PIEZO2: variants seen among roughly 807,000 people sequenced by gnomAD.
PIEZO2 encodes the protein piezo type mechanosensitive ion channel component 2.
In PIEZO2, 172 loss-of-function variants were observed where a neutral mutation model predicts 337.3. The ratio of observed to expected loss-of-function variants is 0.51; its 90% CI spans 0.45 to 0.58. The LOEUF is 0.58. Among genes scored for constraint, PIEZO2 ranks in the 20% least tolerant of loss-of-function variants. PIEZO2 has a pLI of 0.00. For synonymous variants in PIEZO2, 1,251 were observed against 1,228.5 expected, an observed-to-expected ratio of 1.02 and a Z score of -0.38; for missense variants, 3,028 against 3,391.3, an observed-to-expected ratio of 0.89 and a Z score of 2.66.
intron 1 of PIEZO2, among the ~76,000 whole-genome samples, chr18:11,085,569 A>C (rs569682710): frequency 6.6e-6 from 1 of 152,104 alleles, no homozygotes; most frequent in East Asian, 1.9e-4. Flanking sequence ...TAGTACACAC[A>C]GGTTTTAGTG....
Position 10,849,480 on chromosome 18 carries a change from C to T in PIEZO2, c.917+5873G>A, listed in dbSNP as rs192474606. On this transcript the variant is annotated intron_variant, in intron 7 of 55. Transcript: ENST00000674853. ...AAGCCTCTCAGAGGCCACAGATTCC[C>T]AGTAGTGAAACAGGAATTGAGTCCT... is the stretch of plus-strand genomic sequence containing the variant. Among the ~76,000 whole-genome samples the T allele has an allele frequency of 2.4e-4, 36 of 152,304 alleles. No individual in the cohort carries two copies. In the East Asian group the frequency reaches 4.1e-3, roughly 17 times the overall value.
rs190389576 is a variant in PIEZO2 at position 11,095,228 on chromosome 18, A to G, written c.65-29006T>C. Reference sequence around the variant, plus strand: ...GGTCACAGATATAAACAAAAACCTTATCAGCACTTGGACTTGAAGTCTAGA... The same window carrying G: ...GGTCACAGATATAAACAAAAACCTTGTCAGCACTTGGACTTGAAGTCTAGA... On this transcript the variant is annotated intron_variant, in intron 1 of 55. Transcript: ENST00000674853. Among the ~76,000 whole-genome samples, 373 of 152,380 alleles carry G rather than the reference A, an allele frequency of 2.4e-3. 3 individuals carry two copies. The highest frequency in any genetic ancestry group is 0.02 in the Admixed American group (301 of 15,310).
At position 11,111,042 on chromosome 18, in the gene PIEZO2, G is replaced by A. The variant is rs1477354930; in HGVS notation, c.64+37483C>T. On this transcript the variant is annotated intron_variant, in intron 1 of 55. Transcript: ENST00000674853. This position sits in a 1 kb window ranked among gnomAD's most constrained non-coding sequence, Gnocchi z 6.2. ...TCAGTGCAGCTGCAAATGGACGTCC[G>A]GGCAGACAGGGCAGAGGACAGACAG... Among the ~76,000 whole-genome samples the A allele has an allele frequency of 1.3e-5, 2 of 152,152 alleles. No individual in the cohort carries two copies. Among genetic ancestry groups the A allele is most frequent in the Non-Finnish European group, 2.9e-5 (2 of 68,014 alleles).
chr18:10,672,306 A>G lies in PIEZO2; in HGVS notation c.8345+384T>C, dbSNP rs931351347. On this transcript the variant is annotated intron_variant, in intron 55 of 55. Transcript: ENST00000674853. This position sits in a 1 kb window ranked among gnomAD's most constrained non-coding sequence, Gnocchi z 4.7. ...TGTCCTAGGATTTAAGCATCAGAAC[A>G]TGATGCGATGTTTCAGAAGTTCAAA... is the stretch of plus-strand genomic sequence containing the variant. Among the ~76,000 whole-genome samples, 3 of 152,208 alleles carry G rather than the reference A, an allele frequency of 2.0e-5. No individual in the cohort carries two copies. Among genetic ancestry groups the G allele is most frequent in the African/African-American group, 7.2e-5 (3 of 41,432 alleles).
At chr18:11,019,646 T>A (rs562358219) in intron 2 of PIEZO2, among the ~76,000 whole-genome samples, 1 of 152,164 alleles carries the variant, frequency 6.6e-6, no homozygotes, top group African/African-American at 2.4e-5. Context: ...TGTTGCAGTG[T>A]TTTATATTGA....
At chr18:10,990,224 A>G (rs1051248188) in intron 2 of PIEZO2, among the ~76,000 whole-genome samples, 3 of 152,230 alleles carry the variant, frequency 2.0e-5, no homozygotes, top group Non-Finnish European at 4.4e-5. Flanking sequence ...AGGTAAATTA[A>G]GGATATAATA....
chr18:11,104,466 C>A lies in PIEZO2; in HGVS notation c.65-38244G>T, dbSNP rs952461603. On this transcript the variant is annotated intron_variant, in intron 1 of 55. Transcript: ENST00000674853. The surrounding 1 kb of genome is among the most constrained non-coding windows in gnomAD (Gnocchi z 4.6). Reference sequence around the variant, plus strand: ...TGAATTGGCAGCAGAGATCAATGAACGCAGCTGCCCTTCTCTCTAGGGGTG... The same window carrying A: ...TGAATTGGCAGCAGAGATCAATGAAAGCAGCTGCCCTTCTCTCTAGGGGTG... 6.6e-6 allele frequency among the ~76,000 whole-genome samples: 1 copy of A among 152,274 alleles called. No homozygotes were observed. The highest frequency in any genetic ancestry group is 6.5e-5 in the Admixed American group (1 of 15,292).
rs2039162596 is a variant in PIEZO2 at position 10,784,850 on chromosome 18, TG to T, written c.2425del (p.His809MetfsTer33). ...GTCTGTGAGTTCAAGGAACCGGTCA[TG>T]GAAGTAGTGCAGGTGTAAAATGCAC... ...LVCILHLHYFHDRFLELTDLK... is the reference protein window; with the variant it reads ...LVCILHLHYFXDRFLELTDLK... On this transcript the variant is annotated frameshift_variant, in exon 17 of 56. Transcript: ENST00000674853. LOFTEE classifies it high-confidence loss of function. The surrounding 1 kb of genome is among the most constrained non-coding windows in gnomAD (Gnocchi z 4.5). 1 of 1,537,608 alleles carries T rather than the reference TG, an allele frequency of 6.5e-7. No homozygotes were observed. The highest frequency in any genetic ancestry group is 8.7e-7 in the Non-Finnish European group (1 of 1,146,996).
At position 10,697,763 on chromosome 18, in the gene PIEZO2, G is replaced by A; in HGVS notation, c.6812C>T (p.Ala2271Val). ...KLQEHLIKAKAFTIKKTLEIY... is the reference protein window; with the variant it reads ...KLQEHLIKAKVFTIKKTLEIY... ...ATGGACTCACTTCTTTATGGTAAAG[G>A]CTTTTGCTTTGATTAAATGTTCTTG... The change falls in exon 45 of 56, where the codon GCC becomes GTC. Residue 2271 changes from alanine (A) to valine (V), a missense_variant. Physicochemically the swap from Ala to Val is moderately conservative, Grantham distance 64. Around this residue, in one of 5 missense-constraint regions of PIEZO2, gnomAD observed 1,925 missense variants for 2,051.9 expected, o/e 0.94. Transcript: ENST00000674853. 1.9e-6 allele frequency: 3 copies of A among 1,614,006 alleles called. No homozygotes were observed. The highest frequency in any genetic ancestry group is 1.7e-6 in the Non-Finnish European group (2 of 1,180,022).
intron 1 of PIEZO2, among the ~76,000 whole-genome samples, chr18:11,071,987 T>C (rs2038357710): frequency 6.8e-6 from 1 of 146,728 alleles, no homozygotes; most frequent in Non-Finnish European, 1.5e-5. Context: ...ATCACCTGCA[T>C]CTGCCCTGTC....
chr18:11,051,841 T>C (rs2660262), intron 2 of PIEZO2, among the ~76,000 whole-genome samples: 73,227 of 152,086 alleles, frequency 0.48, 18,200 homozygotes, highest in Non-Finnish European at 0.52. Flanking sequence ...TAAGAATTTA[T>C]GACCTGGTGC....
intron 23 of PIEZO2, among the ~76,000 whole-genome samples, chr18:10,761,350 C>T (rs1458611826): frequency 6.6e-6 from 1 of 152,210 alleles, no homozygotes; most frequent in East Asian, 1.9e-4. Context: ...TAAGATGCTG[C>T]TGCTCATTCC....
chr18:11,113,507 T>G (rs2039794466), intron 1 of PIEZO2, among the ~76,000 whole-genome samples: 1 of 152,184 alleles, frequency 6.6e-6, no homozygotes, highest in South Asian at 2.1e-4. Flanking sequence ...TGTCCCATCC[T>G]TCTTCCTGCT....
rs546199559 is a variant in PIEZO2, at chr18:10,677,214, T to C, written c.8081+533A>G. 2.2e-4 allele frequency among the ~76,000 whole-genome samples: 33 copies of C among 152,232 alleles called. No homozygotes were observed. Among genetic ancestry groups the C allele is most frequent in the Non-Finnish European group, 2.9e-5 (2 of 67,998 alleles). On this transcript the variant is annotated intron_variant, in intron 53 of 55. Transcript: ENST00000674853. This position sits in a 1 kb window ranked among gnomAD's most constrained non-coding sequence, Gnocchi z 4.1. ...TACAAACCCTCATTCATTTGTTTTT[T>C]ATTATTTATTTATTTATTTTTGAAA...
At chr18:10,692,079 A>G (rs1399926173) in intron 47 of PIEZO2, among the ~76,000 whole-genome samples, 1 of 152,006 alleles carries the variant, frequency 6.6e-6, no homozygotes, top group Non-Finnish European at 1.5e-5. Context: ...GATTTCCTCA[A>G]CAGTACAGAT....
In PIEZO2 at chr18:11,097,655, C is replaced by A. The variant is rs2039298553; in HGVS notation, c.65-31433G>T. Among the ~76,000 whole-genome samples the A allele has an allele frequency of 6.6e-6, 1 of 152,168 alleles. No homozygotes were observed. Among genetic ancestry groups the A allele is most frequent in the Admixed American group, 6.5e-5 (1 of 15,270 alleles). On this transcript the variant is annotated intron_variant, in intron 1 of 55. Transcript: ENST00000674853. This position sits in a 1 kb window ranked among gnomAD's most constrained non-coding sequence, Gnocchi z 5.0. ...TTCACATATTAGTTTCATTTCAAGT[C>A]CTCTTTAGTAGATTTTCACCTGACT...
rs2034075162 is a variant in PIEZO2, at chr18:10,677,750, G to A, written c.8078C>T (p.Pro2693Leu). 1 of 1,608,346 alleles carries A rather than the reference G, an allele frequency of 6.2e-7. No homozygotes were observed. The highest frequency in any genetic ancestry group is 8.5e-7 in the Non-Finnish European group (1 of 1,178,712). Residue 2693 changes from proline (P) to leucine (L), a missense_variant, in exon 53 of 56, where the codon CCA (proline) becomes CTA (leucine). Pro to Leu is a moderately conservative substitution (Grantham distance 98). Transcript: ENST00000674853. The surrounding 1 kb of genome is among the most constrained non-coding windows in gnomAD (Gnocchi z 4.1). ...AGNSTESSKTPVTIEKIYPYY... is the reference protein window; with the variant it reads ...AGNSTESSKTLVTIEKIYPYY... Reference sequence around the variant, plus strand: ...TAGTAGGAAAAAATACACTTACACTGGTGTTTTTGAACTTTCTGTGCTGTT... The same window carrying A: ...TAGTAGGAAAAAATACACTTACACTAGTGTTTTTGAACTTTCTGTGCTGTT...
intron 7 of PIEZO2, among the ~76,000 whole-genome samples, chr18:10,814,747 G>A (rs2040310335): frequency 6.6e-6 from 1 of 152,162 alleles, no homozygotes; most frequent in African/African-American, 2.4e-5. Flanking sequence ...TTCCCAGGCA[G>A]AGTATTCAGA....
rs1462664289 is a variant in PIEZO2, at chr18:10,819,710, C to A, written c.918-12436G>T. Among the ~76,000 whole-genome samples the A allele has an allele frequency of 6.6e-6, 1 of 152,200 alleles. No individual in the cohort carries two copies. The highest frequency in any genetic ancestry group is 2.4e-5 in the African/African-American group (1 of 41,452). The stretch of plus-strand genomic sequence containing the variant: ...ACTGCTGCAGCTTCTTACATGAAGA[C>A]ATAATATCTTCACAAAACTTCATAC... On this transcript the variant is annotated intron_variant, in intron 7 of 55. Transcript: ENST00000674853. The surrounding 1 kb of genome is among the most constrained non-coding windows in gnomAD (Gnocchi z 4.3).
Sources: allele counts gnomAD v4.1 joint callset (sites outside exome capture counted in the v4.1 genomes callset), GRCh38; gene constraint gnomAD v4.1.1; regional missense constraint gnomAD v4.1.1; non-coding constraint Gnocchi (gnomAD v3.1); transcripts MANE v1.5; gene names NCBI Gene and HGNC (gene_info 2026-07-23, HGNC 2026-07-21).